Variants in C8orf34 observed in about 807,000 individuals in gnomAD.
The protein encoded by C8orf34 is chromosome 8 open reading frame 34.
In C8orf34, 65 loss-of-function variants were observed where a neutral mutation model predicts 68.3. The observed-to-expected ratio is 0.95, with a 90% CI of 0.78 to 1.17. The LOEUF (loss-of-function observed/expected upper bound fraction) is 1.17. Ranked by LOEUF, C8orf34 falls within the 50% of genes most tolerant of loss-of-function variation. The probability of loss-of-function intolerance (pLI) is 0.00; values close to 1 mark genes in which losing one functional copy is unlikely to be tolerated. For synonymous variants in C8orf34, 244 were observed against 241.2 expected, an observed-to-expected ratio of 1.01 and a Z score of -0.11; for missense variants, 664 against 655.4, an observed-to-expected ratio of 1.01 and a Z score of -0.14.
At chr8:68,695,805 T>C (rs1820815011) in intron 8 of C8orf34, 1 of 152,132 alleles carries the variant, frequency 6.6e-6, no homozygotes, top group African/African-American at 2.4e-5. Flanking sequence ...TGTACTTTTT[T>C]CTGTCATCTA....
chr8:68,683,903 A>G (rs553547408), intron 8 of C8orf34, among the ~76,000 whole-genome samples: 6 of 152,088 alleles, frequency 3.9e-5, no homozygotes, highest in Admixed American at 2.6e-4. Flanking sequence ...AGTGAGTGTA[A>G]CTCCCAGATG....
At chr8:68,746,718 G>A (rs1253292289) in intron 10 of C8orf34, among the ~76,000 whole-genome samples, 2 of 147,458 alleles carry the variant, frequency 1.4e-5, no homozygotes, top group East Asian at 4.0e-4. Context: ...CCAATAACAG[G>A]ATCTGAAATT....
At chr8:68,494,349 G>A (rs979347629) in intron 5 of C8orf34, among the ~76,000 whole-genome samples, 1 of 152,156 alleles carries the variant, frequency 6.6e-6, no homozygotes, top group African/African-American at 2.4e-5. Context: ...CAGTGTAACA[G>A]TGGTTGTCAT....
intron 10 of C8orf34, among the ~76,000 whole-genome samples, chr8:68,738,326 A>G (rs1822180897): frequency 6.6e-6 from 1 of 152,064 alleles, no homozygotes; most frequent in African/African-American, 2.4e-5. Flanking sequence ...TCATACCACT[A>G]AATGCCCACA....
At chr8:68,607,237 A>T (rs1817882278) in intron 7 of C8orf34, among the ~76,000 whole-genome samples, 1 of 152,156 alleles carries the variant, frequency 6.6e-6, no homozygotes, top group Non-Finnish European at 1.5e-5. Flanking sequence ...ATAATAAAAT[A>T]TTCAAGACTA....
intron 1 of C8orf34, among the ~76,000 whole-genome samples, chr8:68,416,232 T>C (rs1296344538): frequency 6.6e-6 from 1 of 152,178 alleles, no homozygotes; most frequent in Admixed American, 6.5e-5. Context: ...GTGTTTTCAA[T>C]GTTTAACAAT....
chr8:68,395,616 A>G (rs1253816307), intron 1 of C8orf34, among the ~76,000 whole-genome samples: 1 of 152,180 alleles, frequency 6.6e-6, no homozygotes, highest in Non-Finnish European at 1.5e-5. Flanking sequence ...TATCATTAAT[A>G]TGGGCAATAG....
intron 7 of C8orf34, among the ~76,000 whole-genome samples, chr8:68,616,088 G>T (rs1269203954): frequency 6.6e-6 from 1 of 151,300 alleles, no homozygotes; most frequent in African/African-American, 2.4e-5. Flanking sequence ...AGAGGTGTTT[G>T]TAGTATTCTC....
At chr8:68,491,724 A>C (rs949594010) in intron 5 of C8orf34, among the ~76,000 whole-genome samples, 3 of 152,260 alleles carry the variant, frequency 2.0e-5, no homozygotes, top group Admixed American at 6.5e-5. Flanking sequence ...AACTAATTAC[A>C]TATAGAAATG....
chr8:68,562,369 C>T (rs1036549904), intron 7 of C8orf34, among the ~76,000 whole-genome samples: 2 of 152,140 alleles, frequency 1.3e-5, no homozygotes, highest in Admixed American at 1.3e-4. Flanking sequence ...GACTTTTCAT[C>T]TGTTTTAGCT....
chr8:68,560,197 T>C (rs1423107227), intron 7 of C8orf34, among the ~76,000 whole-genome samples: 1 of 151,816 alleles, frequency 6.6e-6, no homozygotes, highest in African/African-American at 2.4e-5. Flanking sequence ...GGAAGATGTA[T>C]TGGAGAGCAT....
intron 10 of C8orf34, among the ~76,000 whole-genome samples, chr8:68,730,303 C>T (rs544463064): frequency 6.6e-6 from 1 of 152,208 alleles, no homozygotes; most frequent in East Asian, 1.9e-4. Flanking sequence ...ATATTTTGCT[C>T]AGTCCTAAAG....
intron 8 of C8orf34, among the ~76,000 whole-genome samples, chr8:68,695,336 A>G (rs1820799953): frequency 6.6e-6 from 1 of 152,050 alleles, no homozygotes; most frequent in Non-Finnish European, 1.5e-5. Flanking sequence ...TTTAGTAGAG[A>G]CAGGGTTTCA....
At chr8:68,562,787 C>G (rs1014583511) in intron 7 of C8orf34, among the ~76,000 whole-genome samples, 1 of 152,146 alleles carries the variant, frequency 6.6e-6, no homozygotes, top group Admixed American at 6.5e-5. Context: ...ATTGGGCGAT[C>G]CTTAAGTGGT....
At chr8:68,652,319 T>A (rs1404624849) in intron 8 of C8orf34, among the ~76,000 whole-genome samples, 1 of 152,226 alleles carries the variant, frequency 6.6e-6, no homozygotes, top group Non-Finnish European at 1.5e-5. Flanking sequence ...TATCTAGACC[T>A]TTATCAGATA....
chr8:68,461,343 T>C (rs542937845), intron 3 of C8orf34, among the ~76,000 whole-genome samples: 1 of 152,170 alleles, frequency 6.6e-6, no homozygotes, highest in African/African-American at 2.4e-5. Flanking sequence ...ACAGGGAGAA[T>C]GGAACCAGGT....
intron 11 of C8orf34, 77 bp from the exon 12 acceptor site, chr8:68,787,366 G>C: frequency 1.1e-6 from 1 of 911,914 alleles, no homozygotes. Context: ...AGTTCATAAA[G>C]ATTGAAGTGA....
intron 4 of C8orf34, among the ~76,000 whole-genome samples, chr8:68,480,605 G>C (rs914569484): frequency 6.6e-6 from 1 of 152,160 alleles, no homozygotes; most frequent in Non-Finnish European, 1.5e-5. Context: ...AATACCGATA[G>C]TGATATGAAC....
At chr8:68,474,893 A>C (rs1586215786) in intron 4 of C8orf34, among the ~76,000 whole-genome samples, 2 of 152,336 alleles carry the variant, frequency 1.3e-5, no homozygotes, top group Middle Eastern at 3.4e-3. Flanking sequence ...AGCAAGGAAC[A>C]CACACTATTG....
Sources: allele counts gnomAD v4.1 joint callset (sites outside exome capture counted in the v4.1 genomes callset), GRCh38; gene constraint gnomAD v4.1.1; transcripts MANE v1.5; gene names NCBI Gene and HGNC (gene_info 2026-07-23, HGNC 2026-07-21).